ZYG11B: variants seen among roughly 807,000 people sequenced by gnomAD.
ZYG11B encodes protein zyg-11 homolog B.
ZYG11B carries 36 observed loss-of-function variants against 82.4 expected under a neutral mutation model. The observed-to-expected ratio is 0.44, with a 90% confidence interval of 0.33 to 0.58. ZYG11B has a LOEUF of 0.58. ZYG11B is among the 20% of genes least tolerant of loss of function. The probability of loss-of-function intolerance (pLI) is 0.02; values close to 1 mark genes in which losing one functional copy is unlikely to be tolerated. For synonymous variants in ZYG11B, 303 were observed against 312.8 expected (o/e 0.97, Z 0.33); for missense variants, 552 against 895.6 (o/e 0.62, Z 4.90).
At chr1:52,733,516 A>G (rs1416101182) in intron 1 of ZYG11B, among the ~76,000 whole-genome samples, 1 of 152,010 alleles carries the variant, frequency 6.6e-6, no homozygotes. Context: ...TCTACACAGA[A>G]TGAAAAAATT....
At chr1:52,806,851 T>TTG (rs1645145255) in intron 10 of ZYG11B, among the ~76,000 whole-genome samples, 1 of 151,852 alleles carries the variant, frequency 6.6e-6, no homozygotes, top group Admixed American at 6.6e-5. Flanking sequence ...AAAATAATAA[T>TTG]TGTGTATGTG....
intron 7 of ZYG11B, 107 bp downstream of exon 7, chr1:52,796,498 C>T: frequency 2.0e-6 from 2 of 1,023,576 alleles, no homozygotes; most frequent in Non-Finnish European, 1.5e-6. Context: ...ATCTCTCTGC[C>T]AGCCTGCTTA....
chr1:52,771,439 G>T lies in ZYG11B; in HGVS notation c.616G>T (p.Ala206Ser), dbSNP rs1644749406. The T allele has an allele frequency of 6.8e-6, 11 of 1,613,832 alleles. No individual in the cohort carries two copies. In the East Asian group the frequency reaches 2.5e-4, roughly 36 times the overall value. ...AATCACAGACATCACTGCTCTACTG[G>T]CCTGCAAAGACCGACTCAAGTCTCT... The part of the protein sequence containing the change: ...TSITDITALL[A>S]CKDRLKSLTM... The change falls in exon 3 of 14, where the codon GCC (alanine) becomes TCC (serine). Residue 206 changes from alanine to serine, a missense_variant. Around this residue, in one of 3 missense-constraint regions of ZYG11B, gnomAD observed 359 missense variants for 555.8 expected, o/e 0.65. Coordinates refer to ENST00000294353, the MANE Select transcript of ZYG11B (RefSeq NM_024646.3). The surrounding 1 kb of genome is among the most constrained non-coding windows in gnomAD (Gnocchi z 5.4).
intron 10 of ZYG11B, among the ~76,000 whole-genome samples, chr1:52,803,241 CACACACACATATATATAT>C (rs1558140600): frequency 0.023 from 962 of 40,980 alleles, 61 homozygotes; most frequent in African/African-American, 0.061. Context: ...TATATATATA[CACACACACATATATATAT>C]ATATATACAC....
rs1368458357 is a variant in ZYG11B, at chr1:52,823,610, A to G, written c.*1981A>G. ...TGTGGTAGTTTGGAAATTGCTAGATATGTTGACCGTTTCCAGGTCTTTTAT... is the reference window on the plus strand; with the variant it reads ...TGTGGTAGTTTGGAAATTGCTAGATGTGTTGACCGTTTCCAGGTCTTTTAT... On this transcript the variant is annotated 3_prime_UTR_variant, in exon 14 of 14. Coordinates refer to ENST00000294353, the MANE Select transcript of ZYG11B (RefSeq NM_024646.3). 6.6e-6 allele frequency: 1 copy of G among 151,600 alleles called. No individual in the cohort carries two copies. Among genetic ancestry groups the G allele is most frequent in the Non-Finnish European group, 1.5e-5 (1 of 67,990 alleles). 9.4% of individuals were successfully genotyped at this position (151,600 alleles called of 1,614,324 possible).
chr1:52,806,556 G>A (rs770032981), intron 10 of ZYG11B, among the ~76,000 whole-genome samples: 53 of 151,962 alleles, frequency 3.5e-4, no homozygotes, highest in Admixed American at 7.2e-4. Flanking sequence ...CTCTTTTACC[G>A]TTACCAAATG....
Position 52,726,572 on chromosome 1 carries a change from G to T in ZYG11B, c.-82G>T, listed in dbSNP as rs1558112091. 1.5e-6 allele frequency: 2 copies of T among 1,306,034 alleles called. No individual in the cohort carries two copies. The highest frequency in any genetic ancestry group is 4.2e-5 in the Admixed American group (1 of 23,980). The allele number at this position is 1,306,034 out of a possible 1,614,324, so 80.9% of individuals were successfully genotyped here. On this transcript the variant is annotated 5_prime_UTR_variant, in exon 1 of 14. Coordinates refer to ENST00000294353, the MANE Select transcript of ZYG11B (RefSeq NM_024646.3). ...CCAAGCCCGGAGCCGCCGCTCGCCG[G>T]AGCCTCCTGGAGCCTCCGCGCCGGC...
chr1:52,774,143 T>C (rs1571768523), intron 3 of ZYG11B, among the ~76,000 whole-genome samples: 1 of 40,744 alleles, frequency 2.5e-5, no homozygotes, highest in South Asian at 5.7e-4. Flanking sequence ...ATAACTTTTT[T>C]TTTTTTTTTC....
At chr1:52,755,262 A>G (rs1644564372) in intron 1 of ZYG11B, among the ~76,000 whole-genome samples, 1 of 151,822 alleles carries the variant, frequency 6.6e-6, no homozygotes, top group Admixed American at 6.6e-5. Flanking sequence ...CACCCGGCCA[A>G]AAAGCAAGCC....
At chr1:52,786,220 A>G (rs1048413609) in intron 5 of ZYG11B, among the ~76,000 whole-genome samples, 2 of 152,130 alleles carry the variant, frequency 1.3e-5, no homozygotes, top group Non-Finnish European at 1.5e-5. Context: ...GAAAAATGAG[A>G]AAGGATGCAT....
rs200815461 is a variant in ZYG11B at position 52,816,639 on chromosome 1, A to C, written c.2044+10A>C. ...GTCTGCAGCAAGAATCGTATGTACC[A>C]AAAAAAAAGAACTGTGTTTTTTTTC... On this transcript the variant is annotated intron_variant, in intron 13 of 13. Coordinates refer to ENST00000294353, the MANE Select transcript of ZYG11B (RefSeq NM_024646.3). 20 of 1,475,280 alleles carry C rather than the reference A, an allele frequency of 1.4e-5. No homozygotes were observed. The Admixed American group carries it at 2.8e-4, about 21-fold the overall frequency. 91.4% of individuals were successfully genotyped at this position (1,475,280 alleles called of 1,614,324 possible). A position where few individuals can be genotyped will look rare whatever the true frequency, so the allele number is the denominator to read the frequency against.
chr1:52,764,695 T>A (rs779990570), intron 2 of ZYG11B, among the ~76,000 whole-genome samples: 1 of 152,130 alleles, frequency 6.6e-6, no homozygotes, highest in Non-Finnish European at 1.5e-5. Flanking sequence ...AGTAAACATA[T>A]AGAATTACAG....
intron 1 of ZYG11B, among the ~76,000 whole-genome samples, chr1:52,741,623 A>AG (rs1302783035): frequency 6.6e-6 from 1 of 152,212 alleles, no homozygotes; most frequent in African/African-American, 2.4e-5. Context: ...CCCACTATGT[A>AG]GTAGGCATTG....
intron 3 of ZYG11B, among the ~76,000 whole-genome samples, chr1:52,779,042 A>G (rs1644832841): frequency 6.6e-6 from 1 of 152,192 alleles, no homozygotes; most frequent in African/African-American, 2.4e-5. Context: ...GTGGCTCAAC[A>G]AAGACTTCTC....
At chr1:52,788,620 T>G (rs1644932134) in intron 5 of ZYG11B, among the ~76,000 whole-genome samples, 1 of 152,094 alleles carries the variant, frequency 6.6e-6, no homozygotes, top group African/African-American at 2.4e-5. Context: ...TCCCAGCACT[T>G]TGGGAGGCTG....
intron 4 of ZYG11B, among the ~76,000 whole-genome samples, chr1:52,783,610 C>CT (rs1156857504): frequency 2.4e-3 from 311 of 131,496 alleles, no homozygotes; most frequent in African/African-American, 5.0e-3. Flanking sequence ...TTCTTTCTTT[C>CT]TTTTTTTTTT....
At chr1:52,733,456 T>C (rs777311978) in intron 1 of ZYG11B, among the ~76,000 whole-genome samples, 5 of 152,146 alleles carry the variant, frequency 3.3e-5, no homozygotes, top group African/African-American at 9.7e-5. Flanking sequence ...GGTGGATTGC[T>C]TGAGCCCAGG....
intron 3 of ZYG11B, chr1:52,772,166 AT>A: frequency 7.0e-7 from 1 of 1,421,424 alleles, no homozygotes; most frequent in Non-Finnish European, 9.9e-7. Flanking sequence ...TTAAACAATC[AT>A]TTTATTGCTT....
Position 52,808,227 on chromosome 1 carries a change from G to A in ZYG11B, c.1696-5309G>A, listed in dbSNP as rs140292711. Among the ~76,000 whole-genome samples the A allele has an allele frequency of 7.7e-3, 1,178 of 152,210 alleles. 11 individuals are homozygous for A. The highest frequency in any genetic ancestry group is 0.027 in the African/African-American group (1,106 of 41,530). On this transcript the variant is annotated intron_variant, in intron 10 of 13. Transcript: ENST00000294353. ...AAAATAACAGAAATTAGCTGGGTGT[G>A]GTGGCAGGTGCCTGTAACCCCAGCT... is the stretch of plus-strand genomic sequence containing the variant.
Sources: gnomAD v4.1 joint callset for allele counts (sites outside exome capture counted in the v4.1 genomes callset) on GRCh38, gnomAD v4.1.1 for gene constraint, gnomAD v4.1.1 regional missense constraint, Gnocchi (gnomAD v3.1) non-coding constraint, MANE v1.5 for transcripts, NCBI Gene and HGNC (gene_info 2026-07-23, HGNC 2026-07-21) for gene names.